The following GALNTL6 variants were observed in gnomAD, a reference collection of about 807,000 sequenced individuals.
GALNTL6 encodes polypeptide N-acetylgalactosaminyltransferase-like 6.
GALNTL6 carries 46 observed loss-of-function variants against 73.7 expected under a neutral mutation model. The observed-to-expected ratio is 0.62, with a 90% CI of 0.49 to 0.80. The LOEUF (loss-of-function observed/expected upper bound fraction) is 0.80. GALNTL6 is among the 30% of genes least tolerant of loss of function. GALNTL6 has a pLI of 0.00. For missense variants in GALNTL6, 604 were observed against 755.0 expected, an observed-to-expected ratio of 0.80 and a Z score of 2.34; for synonymous variants, 259 against 263.7, an observed-to-expected ratio of 0.98 and a Z score of 0.17.
At chr4:172,267,853 A>G (rs904676143) in intron 3 of GALNTL6, among the ~76,000 whole-genome samples, 4 of 152,194 alleles carry the variant, frequency 2.6e-5, no homozygotes, top group African/African-American at 9.6e-5. Flanking sequence ...TGGATGAACA[A>G]AATGAGCTAC....
intron 2 of GALNTL6, among the ~76,000 whole-genome samples, chr4:171,973,098 T>C (rs1225678102): frequency 2.0e-5 from 3 of 152,176 alleles, no homozygotes; most frequent in Non-Finnish European, 2.9e-5. Flanking sequence ...ATACACACAC[T>C]TCTATGAAGC....
chr4:172,988,296 GC>G (rs1751386589), intron 10 of GALNTL6, among the ~76,000 whole-genome samples: 1 of 152,194 alleles, frequency 6.6e-6, no homozygotes, highest in Non-Finnish European at 1.5e-5. Context: ...GTAGCATTGT[GC>G]CCCTGCTCTA....
chr4:172,397,488 C>A (rs570824807), intron 5 of GALNTL6, among the ~76,000 whole-genome samples: 1 of 152,104 alleles, frequency 6.6e-6, no homozygotes, highest in Admixed American at 6.5e-5. Flanking sequence ...AAATCACTCA[C>A]CTTATGTGAG....
intron 8 of GALNTL6, among the ~76,000 whole-genome samples, chr4:172,912,763 G>A (rs948982580): frequency 6.6e-6 from 1 of 152,226 alleles, no homozygotes; most frequent in Non-Finnish European, 1.5e-5. Context: ...AGGCCTGCCT[G>A]CTTCTGTAGA....
chr4:172,073,481 G>T (rs541579471), intron 2 of GALNTL6, among the ~76,000 whole-genome samples: 1 of 152,168 alleles, frequency 6.6e-6, no homozygotes. Flanking sequence ...GAATATGGAA[G>T]AGTAGGGTGC....
At chr4:172,977,635 C>A (rs1223364031) in intron 10 of GALNTL6, among the ~76,000 whole-genome samples, 2 of 152,122 alleles carry the variant, frequency 1.3e-5, no homozygotes, top group Non-Finnish European at 2.9e-5. Flanking sequence ...GGATTCATGG[C>A]AGGCTGCTGG....
intron 3 of GALNTL6, among the ~76,000 whole-genome samples, chr4:172,242,529 C>G (rs571645047): frequency 1.3e-5 from 2 of 152,040 alleles, no homozygotes; most frequent in Non-Finnish European, 2.9e-5. Context: ...TTCAACTGTT[C>G]TATATGATCT....
chr4:172,030,961 T>C (rs1741749637), intron 2 of GALNTL6, among the ~76,000 whole-genome samples: 1 of 152,020 alleles, frequency 6.6e-6, no homozygotes, highest in African/African-American at 2.4e-5. Flanking sequence ...TAAAGGAGTG[T>C]TTCTGAGAAG....
intron 10 of GALNTL6, among the ~76,000 whole-genome samples, chr4:172,998,744 G>A (rs562772063): frequency 6.6e-6 from 1 of 151,998 alleles, no homozygotes; most frequent in South Asian, 2.1e-4. Context: ...CTTCTCCCAG[G>A]CTTCTTTATG....
intron 10 of GALNTL6, among the ~76,000 whole-genome samples, chr4:172,966,846 C>T (rs1203530921): frequency 6.6e-6 from 1 of 152,188 alleles, no homozygotes; most frequent in Non-Finnish European, 1.5e-5. Flanking sequence ...AGCAGGCCAC[C>T]GTGGGCACTG....
intron 2 of GALNTL6, among the ~76,000 whole-genome samples, chr4:172,174,281 G>A (rs1177123736): frequency 6.6e-6 from 1 of 152,180 alleles, no homozygotes; most frequent in African/African-American, 2.4e-5. Flanking sequence ...AAAAAAAGAA[G>A]TGTTTATTCT....
chr4:172,283,976 A>G (rs543291284), intron 3 of GALNTL6, among the ~76,000 whole-genome samples: 55 of 152,260 alleles, frequency 3.6e-4, no homozygotes, highest in Non-Finnish European at 5.6e-4. Flanking sequence ...ACTAAAATCT[A>G]ATTTTAGTTC....
chr4:172,842,699 A>G (rs1400193002), intron 7 of GALNTL6, among the ~76,000 whole-genome samples: 3 of 151,720 alleles, frequency 2.0e-5, no homozygotes, highest in Non-Finnish European at 2.9e-5. Flanking sequence ...AGGTAACATA[A>G]TGGACTGGGG....
intron 3 of GALNTL6, chr4:172,266,212 T>C (rs1313616399): frequency 1.3e-5 from 2 of 152,176 alleles, no homozygotes; most frequent in Non-Finnish European, 2.9e-5. Context: ...GCAGGAGCAG[T>C]GAAAGGAGGG....
intron 5 of GALNTL6, among the ~76,000 whole-genome samples, chr4:172,582,757 C>G (rs1217361152): frequency 1.3e-5 from 2 of 151,156 alleles, no homozygotes; most frequent in African/African-American, 4.9e-5. Flanking sequence ...GACACACACA[C>G]ACACACACAC....
intron 5 of GALNTL6, among the ~76,000 whole-genome samples, chr4:172,757,964 G>A (rs1443824826): frequency 1.3e-5 from 2 of 152,170 alleles, no homozygotes; most frequent in Admixed American, 6.5e-5. Context: ...CTATAGTGGT[G>A]TTTTGGGATT....
Position 172,620,857 on chromosome 4 carries a change from A to G in GALNTL6, c.554-188504A>G, listed in dbSNP as rs80238723. Among the ~76,000 whole-genome samples, 334 of 152,266 alleles carry G rather than the reference A, an allele frequency of 2.2e-3. 2 individuals are homozygous for G. The highest frequency in any genetic ancestry group is 3.5e-3 in the Non-Finnish European group (241 of 68,032). The stretch of plus-strand genomic sequence containing the variant: ...TCCACAGTCCTTATTCCCCTTATCT[A>G]AAGTCTTGATCCTCTACTTTGTGTT... On this transcript the variant is annotated intron_variant, in intron 5 of 12. Coordinates refer to ENST00000506823, the MANE Select transcript of GALNTL6 (RefSeq NM_001034845.3).
chr4:172,057,942 CAT>C (rs761479123), intron 2 of GALNTL6, among the ~76,000 whole-genome samples: 179 of 151,778 alleles, frequency 1.2e-3, no homozygotes, highest in South Asian at 2.5e-3. Context: ...TTTTTCCGCA[CAT>C]GTTTTTATTT....
intron 2 of GALNTL6, among the ~76,000 whole-genome samples, chr4:172,004,333 G>A (rs1215882241): frequency 6.6e-6 from 1 of 152,084 alleles, no homozygotes; most frequent in Non-Finnish European, 1.5e-5. Flanking sequence ...AAAATCAACA[G>A]CAACTCTCTG....
Sources: allele counts gnomAD v4.1 joint callset (sites outside exome capture counted in the v4.1 genomes callset), GRCh38; gene constraint gnomAD v4.1.1; transcripts MANE v1.5; gene names NCBI Gene and HGNC (gene_info 2026-07-23, HGNC 2026-07-21).